Variants in MAD1L1 observed in about 807,000 individuals in gnomAD.
The protein encoded by MAD1L1 is mitotic arrest deficient 1 like 1.
In MAD1L1, 95 loss-of-function variants were observed where a neutral mutation model predicts 96.9. The ratio of observed to expected loss-of-function variants is 0.98; its 90% CI spans 0.83 to 1.16. The LOEUF is 1.16. MAD1L1 is among the 50% of genes most tolerant of loss of function. The pLI is 0.00. For missense variants in MAD1L1, 1,007 were observed against 954.4 expected, an observed-to-expected ratio of 1.06 and a Z score of -0.73; for synonymous variants, 473 against 396.6, an observed-to-expected ratio of 1.19 and a Z score of -2.29.
chr7:1,952,928 C>T (rs758755359), intron 16 of MAD1L1, among the ~76,000 whole-genome samples: 28 of 152,324 alleles, frequency 1.8e-4, no homozygotes, highest in South Asian at 6.2e-4. Flanking sequence ...TCAGAGCACC[C>T]GCCGGGAGGC....
rs1787870415 is a variant in MAD1L1, at chr7:2,119,437, C to T, written c.1073+29715G>A. On this transcript the variant is annotated intron_variant, in intron 11 of 18. Coordinates refer to ENST00000265854, the MANE Select transcript of MAD1L1 (RefSeq NM_001013836.2). This position sits in a 1 kb window ranked among gnomAD's most constrained non-coding sequence, Gnocchi z 4.6. ...GCGATGAGCAGGAGCTGTCGTGGGG[C>T]GCACACTCTCTGTAGCTGGCCAAAG... Among the ~76,000 whole-genome samples the T allele has an allele frequency of 6.6e-6, 1 of 152,274 alleles. No homozygotes were observed. Among genetic ancestry groups the T allele is most frequent in the Non-Finnish European group, 1.5e-5 (1 of 68,006 alleles).
At chr7:1,928,382 A>G (rs1213639432) in intron 17 of MAD1L1, among the ~76,000 whole-genome samples, 38 of 114,572 alleles carry the variant, frequency 3.3e-4, no homozygotes, top group Admixed American at 3.7e-4. Context: ...CCCACCACCC[A>G]CCAGTCCCTA....
chr7:2,067,958 C>T (rs1293715249), intron 12 of MAD1L1, among the ~76,000 whole-genome samples: 1 of 148,310 alleles, frequency 6.7e-6, no homozygotes, highest in Admixed American at 6.6e-5. Context: ...GCACCTCACG[C>T]ATCTTGCTTA....
intron 14 of MAD1L1, among the ~76,000 whole-genome samples, chr7:1,990,397 A>G (rs1781355526): frequency 6.6e-6 from 1 of 152,092 alleles, no homozygotes; most frequent in Non-Finnish European, 1.5e-5. Flanking sequence ...GTGGCTTCCT[A>G]AGGAGGCCTC....
At chr7:1,882,345 T>C (rs1209725173) in intron 18 of MAD1L1, among the ~76,000 whole-genome samples, 1 of 152,182 alleles carries the variant, frequency 6.6e-6, no homozygotes, top group Admixed American at 6.5e-5. Flanking sequence ...TGAAAGCAAC[T>C]CCACTCTCAA....
In MAD1L1 at chr7:1,818,452, C is replaced by T. The variant is rs560504534; in HGVS notation, c.1999-2224G>A. Among the ~76,000 whole-genome samples the T allele has an allele frequency of 3.3e-5, 5 of 152,238 alleles. No homozygotes were observed. In the East Asian group the frequency reaches 5.8e-4, roughly 18 times the overall value. ...AGGCTGGAGTGCAGTGGCATGATAACGGGTCACTCAGCCTCGAGCTCCCGG... is the reference window on the plus strand; with the variant it reads ...AGGCTGGAGTGCAGTGGCATGATAATGGGTCACTCAGCCTCGAGCTCCCGG... On this transcript the variant is annotated intron_variant, in intron 18 of 18. Transcript: ENST00000265854.
chr7:1,888,537 TGTGCGTG>T (rs1562493376), intron 18 of MAD1L1, among the ~76,000 whole-genome samples: 3 of 87,732 alleles, frequency 3.4e-5, no homozygotes, highest in African/African-American at 1.5e-4. Context: ...TGTGGTTGCC[TGTGCGTG>T]TGTGTGAGCA....
intron 10 of MAD1L1, among the ~76,000 whole-genome samples, chr7:2,188,369 C>T (rs1004178208): frequency 9.9e-5 from 15 of 152,100 alleles, no homozygotes; most frequent in African/African-American, 3.4e-4. Context: ...TCAAGGGACC[C>T]AAAGGTCCCT....
intron 14 of MAD1L1, among the ~76,000 whole-genome samples, chr7:1,994,692 G>A (rs1781484266): frequency 6.6e-6 from 1 of 152,122 alleles, no homozygotes; most frequent in Non-Finnish European, 1.5e-5. Context: ...AGGGACCCCA[G>A]AGCTCCCTCG....
At chr7:1,870,617 C>T (rs757064941) in intron 18 of MAD1L1, among the ~76,000 whole-genome samples, 6,812 of 141,234 alleles carry the variant, frequency 0.048, 179 homozygotes, top group African/African-American at 0.19. Flanking sequence ...CCACGCTGAA[C>T]CCAACATATG....
chr7:1,994,053 C>A (rs753521565), intron 14 of MAD1L1, among the ~76,000 whole-genome samples: 1 of 152,234 alleles, frequency 6.6e-6, no homozygotes, highest in African/African-American at 2.4e-5. Flanking sequence ...GGTGCCAACA[C>A]GGGCAGGTCA....
chr7:2,007,910 T>C (rs933740298), intron 13 of MAD1L1, among the ~76,000 whole-genome samples: 3 of 152,232 alleles, frequency 2.0e-5, no homozygotes, highest in East Asian at 3.9e-4. Flanking sequence ...AATGAACTGC[T>C]GATACAACGT....
intron 11 of MAD1L1, among the ~76,000 whole-genome samples, chr7:2,077,590 G>A (rs1785438240): frequency 2.6e-5 from 4 of 152,244 alleles, no homozygotes; most frequent in African/African-American, 2.4e-5. Context: ...CTGAGCCAGC[G>A]GTTGGGAGGG....
At chr7:1,944,417 G>C (rs560190636) in intron 16 of MAD1L1, among the ~76,000 whole-genome samples, 1 of 152,176 alleles carries the variant, frequency 6.6e-6, no homozygotes, top group Non-Finnish European at 1.5e-5. Flanking sequence ...TGGGGAGTGA[G>C]AAACAGCAGG....
At chr7:1,866,082 C>T (rs112719407) in intron 18 of MAD1L1, among the ~76,000 whole-genome samples, 13,419 of 152,256 alleles carry the variant, frequency 0.088, 1,891 homozygotes, top group African/African-American at 0.3. Context: ...TCAGAGACCA[C>T]GAGTGCCCCC....
In MAD1L1 at chr7:2,211,386, A is replaced by G. The variant is rs566563474; in HGVS notation, c.986+1826T>C. ...CGGGAACAGGGCTGAAAGGATCCAC[A>G]GTACTTTGAAACCAGCCAGAGACAG... On this transcript the variant is annotated intron_variant, in intron 10 of 18. Transcript: ENST00000265854. Among the ~76,000 whole-genome samples the G allele has an allele frequency of 7.9e-5, 12 of 152,358 alleles. No individual in the cohort carries two copies. The South Asian group carries it at 2.3e-3, about 29-fold the overall frequency.
intron 12 of MAD1L1, among the ~76,000 whole-genome samples, chr7:2,036,832 C>T (rs966831491): frequency 8.5e-5 from 13 of 152,156 alleles, no homozygotes; most frequent in Non-Finnish European, 1.5e-4. Context: ...ATCCTAAGAA[C>T]TAAGCTGTCT....
chr7:1,833,812 G>A (rs1345057869), intron 18 of MAD1L1, among the ~76,000 whole-genome samples: 14 of 152,124 alleles, frequency 9.2e-5, no homozygotes, highest in Non-Finnish European at 1.9e-4. Flanking sequence ...GTGGTGGCAC[G>A]TGCCTGTAAT....
At chr7:2,112,994 C>T (rs1013580856) in intron 11 of MAD1L1, among the ~76,000 whole-genome samples, 1 of 152,154 alleles carries the variant, frequency 6.6e-6, no homozygotes, top group Non-Finnish European at 1.5e-5. Context: ...GGGTCACGGC[C>T]GTGAAGTAAA....
Sources: gnomAD v4.1 joint callset for allele counts (sites outside exome capture counted in the v4.1 genomes callset) on GRCh38, gnomAD v4.1.1 for gene constraint, Gnocchi (gnomAD v3.1) non-coding constraint, MANE v1.5 for transcripts, NCBI Gene and HGNC (gene_info 2026-07-23, HGNC 2026-07-21) for gene names.